CECR2: variants seen among roughly 807,000 people sequenced by gnomAD.
CECR2 encodes the protein CECR2 histone acetyl-lysine reader.
CECR2 carries 30 observed loss-of-function variants against 154.5 expected under a neutral mutation model. That is an observed-to-expected ratio of 0.19 (90% CI 0.15 to 0.26). The LOEUF (loss-of-function observed/expected upper bound fraction) is 0.26, where lower values mean the gene tolerates loss of function less well. Among genes scored for constraint, CECR2 ranks in the 10% least tolerant of loss-of-function variants. CECR2 has a pLI of 1.00. For synonymous variants in CECR2, 725 were observed against 683.7 expected (o/e 1.06, Z -0.94); for missense variants, 1,743 against 1,829.3 (o/e 0.95, Z 0.86).
chr22:17,373,226 C>G (rs2063081302), intron 1 of CECR2, among the ~76,000 whole-genome samples: 1 of 152,082 alleles, frequency 6.6e-6, no homozygotes, highest in Admixed American at 6.6e-5. Flanking sequence ...GCACACCCGG[C>G]TAATTTTTGT....
intron 1 of CECR2, among the ~76,000 whole-genome samples, chr22:17,465,982 A>C (rs918035212): frequency 9.9e-5 from 15 of 152,158 alleles, no homozygotes; most frequent in African/African-American, 3.1e-4. Flanking sequence ...TTTATTGAAC[A>C]TGGTAAAGTA....
intron 14 of CECR2, 56 bp from the exon 15 acceptor site, chr22:17,541,783 A>AC (rs1175924019): frequency 6.4e-7 from 1 of 1,551,252 alleles, no homozygotes; most frequent in Non-Finnish European, 8.7e-7. Flanking sequence ...CTTGTTGTCA[A>AC]CCTAAAGTCT....
intron 1 of CECR2, among the ~76,000 whole-genome samples, chr22:17,402,973 C>T (rs1167912254): frequency 2.6e-5 from 4 of 152,092 alleles, no homozygotes; most frequent in East Asian, 3.9e-4. Context: ...AGGCTGGTCT[C>T]GAACTCCTGA....
rs183360926 is a variant in CECR2, at chr22:17,437,991, T to A, written c.127-39597T>A. 4.8e-4 allele frequency among the ~76,000 whole-genome samples: 73 copies of A among 152,320 alleles called. 1 individual carries two copies. Among genetic ancestry groups the A allele is most frequent in the Middle Eastern group, 3.4e-3 (1 of 294 alleles). ...AATGAGACTTTAATGTTAATGAAAA[T>A]TTTTTTCTGTGATCTAGGAATATTT... On this transcript the variant is annotated intron_variant, in intron 1 of 18. Transcript: ENST00000262608.
chr22:17,438,329 G>C (rs1468793044), intron 1 of CECR2, among the ~76,000 whole-genome samples: 1 of 150,290 alleles, frequency 6.7e-6, no homozygotes, highest in African/African-American at 2.4e-5. Context: ...TGGGGAAAAT[G>C]TTTTCCTTTC....
chr22:17,538,884 C>T (rs1261453530), intron 12 of CECR2, 109 bp from the exon 13 acceptor site: 2 of 1,360,446 alleles, frequency 1.5e-6, no homozygotes, highest in African/African-American at 1.5e-5. Context: ...ATCTGTTATT[C>T]ATTACAGATC....
chr22:17,532,724 T>TTTTTTTTTTTTG (rs2056377400), intron 9 of CECR2, among the ~76,000 whole-genome samples: 1 of 122,362 alleles, frequency 8.2e-6, no homozygotes, highest in African/African-American at 3.2e-5. Context: ...TTTTTTTTTT[T>TTTTTTTTTTTTG]TTTTTTTTTT....
At chr22:17,479,765 C>CTTTT (rs571664926) in intron 2 of CECR2, among the ~76,000 whole-genome samples, 3,089 of 116,918 alleles carry the variant, frequency 0.026, 137 homozygotes, top group African/African-American at 0.095. Flanking sequence ...TGTGGTCTTT[C>CTTTT]TTTTTTTTTT....
Position 17,553,962 on chromosome 22 carries a change from T to C in CECR2, c.*1122T>C, listed in dbSNP as rs2056745912. On this transcript the variant is annotated 3_prime_UTR_variant, in exon 19 of 19. Transcript: ENST00000262608. ...GAATAGGAAAAATGTATTCTATAGA[T>C]TTACAGTTTGAATTTAGGAATATTT... The C allele has an allele frequency of 6.6e-6, 1 of 152,206 alleles. No individual in the cohort carries two copies. The highest frequency in any genetic ancestry group is 1.5e-5 in the Non-Finnish European group (1 of 68,046). The allele number at this position is 152,206 out of a possible 1,614,324, so 9.4% of individuals were successfully genotyped here.
chr22:17,517,165 C>G (rs1364020151), intron 8 of CECR2, among the ~76,000 whole-genome samples: 2 of 152,252 alleles, frequency 1.3e-5, no homozygotes, highest in African/African-American at 4.8e-5. Flanking sequence ...GCGTGAGCCA[C>G]CGCGCCTGGC....
intron 1 of CECR2, 69 bp downstream of exon 1, chr22:17,369,978 C>G (rs2063035244): frequency 6.6e-6 from 1 of 151,234 alleles, no homozygotes; most frequent in South Asian, 2.1e-4. Flanking sequence ...GCGGGGTGTC[C>G]CGGGCCGTCG....
chr22:17,378,191 G>A (rs1255254240), intron 1 of CECR2, among the ~76,000 whole-genome samples: 1 of 151,278 alleles, frequency 6.6e-6, no homozygotes, highest in African/African-American at 2.4e-5. Context: ...CACCGTGTTA[G>A]CCAGGATGGT....
chr22:17,404,041 C>T (rs2053936458), intron 1 of CECR2, among the ~76,000 whole-genome samples: 1 of 151,646 alleles, frequency 6.6e-6, no homozygotes, highest in South Asian at 2.1e-4. Flanking sequence ...AGGAGGATCA[C>T]GAGGTCAGGA....
intron 2 of CECR2, among the ~76,000 whole-genome samples, chr22:17,480,459 C>CACACACACACAGAGAG (rs373106595): frequency 1.9e-4 from 27 of 143,838 alleles, no homozygotes; most frequent in South Asian, 8.9e-4. Context: ...CACACACACA[C>CACACACACACAGAGAG]AGAGAAAAGT....
Position 17,555,949 on chromosome 22 carries a change from T to C in CECR2, c.*3109T>C, listed in dbSNP as rs954713296. ...TGTCCCTAAGGCCCAAGAGAAAAGA[T>C]GAGCTTCTTGGGAGGATTCTGGGTT... On this transcript the variant is annotated 3_prime_UTR_variant, in exon 19 of 19. Transcript: ENST00000262608. The C allele has an allele frequency of 6.6e-6, 1 of 152,306 alleles. No homozygotes were observed. Among genetic ancestry groups the C allele is most frequent in the Non-Finnish European group, 1.5e-5 (1 of 68,018 alleles). 9.4% of individuals were successfully genotyped at this position (152,306 alleles called of 1,614,324 possible).
intron 18 of CECR2, 62 bp from the exon 19 acceptor site, chr22:17,552,773 A>ATTTTTTTTTTTTTTTTTTTT: frequency 2.5e-5 from 10 of 395,748 alleles, no homozygotes; most frequent in Non-Finnish European, 3.4e-5. Flanking sequence ...GGCTTACTTA[A>ATTTTTTTTTTTTTTTTTTTT]GTTTTTTTTT....
chr22:17,506,969 A>G (rs1224498184), intron 7 of CECR2, among the ~76,000 whole-genome samples: 1 of 152,046 alleles, frequency 6.6e-6, no homozygotes, highest in Non-Finnish European at 1.5e-5. Context: ...TGCCTTTTCT[A>G]TGGTGGTTGG....
chr22:17,406,562 G>A (rs5746365), intron 1 of CECR2, among the ~76,000 whole-genome samples: 70,252 of 151,626 alleles, frequency 0.46, 17,113 homozygotes, highest in Non-Finnish European at 0.54. Flanking sequence ...AGAAAAGAAT[G>A]TGTATTCTGC....
chr22:17,455,892 A>G (rs59427062), intron 1 of CECR2, among the ~76,000 whole-genome samples: 7,303 of 152,230 alleles, frequency 0.048, 300 homozygotes, highest in South Asian at 0.13. Context: ...GCCCAGCCCC[A>G]AACAGCACAC....
Sources: gnomAD v4.1 joint callset for allele counts (sites outside exome capture counted in the v4.1 genomes callset) on GRCh38, gnomAD v4.1.1 for gene constraint, MANE v1.5 for transcripts, NCBI Gene and HGNC (gene_info 2026-07-23, HGNC 2026-07-21) for gene names.